The following CFI variants were observed in gnomAD, a reference collection of about 807,000 sequenced individuals.
The protein encoded by CFI is C3B/C4B inactivator.
In CFI, 66 loss-of-function variants were observed where a neutral mutation model predicts 78.8. The observed-to-expected ratio is 0.84, with a 90% CI of 0.69 to 1.03. The LOEUF (loss-of-function observed/expected upper bound fraction) is 1.03, where lower values mean the gene tolerates loss of function less well. CFI is among the 50% of genes least tolerant of loss of function. The pLI, the probability that CFI is intolerant of heterozygous loss-of-function variation, is 0.00. For synonymous variants in CFI, 250 were observed against 232.6 expected (o/e 1.07, Z -0.68); for missense variants, 706 against 704.5 (o/e 1.00, Z -0.02).
At chr4:109,749,663 C>T in intron 8 of CFI, 61 bp from the exon 9 acceptor site, 2 of 1,027,736 alleles carry the variant, frequency 1.9e-6, no homozygotes, top group South Asian at 2.5e-5. Context: ...TTTTAACACA[C>T]TTCTTGATTA....
chr4:109,785,105 T>C (rs1730574297), intron 1 of CFI, among the ~76,000 whole-genome samples: 1 of 151,974 alleles, frequency 6.6e-6, no homozygotes, highest in African/African-American at 2.4e-5. Flanking sequence ...TGCTCCTAAC[T>C]CCACTGTCTG....
chr4:109,787,845 CT>C (rs1353393894), intron 1 of CFI, among the ~76,000 whole-genome samples: 1 of 151,824 alleles, frequency 6.6e-6, no homozygotes, highest in Non-Finnish European at 1.5e-5. Flanking sequence ...TGTAAGATGG[CT>C]AAAATTTTGT....
intron 11 of CFI, among the ~76,000 whole-genome samples, chr4:109,742,931 A>C (rs774610847): frequency 1.7e-4 from 26 of 152,220 alleles, no homozygotes; most frequent in Admixed American, 3.3e-4. Context: ...TTTCACATAA[A>C]TACCTCCTAT....
the CFI span, among the ~76,000 whole-genome samples, chr4:109,733,192 C>T: frequency 6.6e-6 from 1 of 152,126 alleles, no homozygotes; most frequent in African/African-American, 2.4e-5. Flanking sequence ...AGGCTGGTCT[C>T]GAACTCCTGA....
intron 1 of CFI, among the ~76,000 whole-genome samples, chr4:109,772,803 TA>T (rs1402327444): frequency 6.6e-6 from 1 of 152,112 alleles, no homozygotes; most frequent in Non-Finnish European, 1.5e-5. Flanking sequence ...AGGCTGGTCT[TA>T]AACTCTTGGC....
At chr4:109,769,685 G>A (rs1385452176) in intron 1 of CFI, among the ~76,000 whole-genome samples, 1 of 152,178 alleles carries the variant, frequency 6.6e-6, no homozygotes, top group Non-Finnish European at 1.5e-5. Context: ...CATGGTCCAT[G>A]TCTTCTCAGC....
In CFI at chr4:109,766,768, A is replaced by G. The variant is rs752771173; in HGVS notation, c.114T>C (p.Tyr38=). ...LVEKKCLAKK[Y]THLSCDKVFC... is the part of the protein sequence containing the mutation. ...AGACTTTATCGCAGGAGAGGTGAGTATATTTTTTTGCTAAGCACTTTTTCT... is the reference window on the plus strand; with the variant it reads ...AGACTTTATCGCAGGAGAGGTGAGTGTATTTTTTTGCTAAGCACTTTTTCT... Residue 38 remains tyrosine (Y), a synonymous_variant, in exon 2 of 13, where the codon TAT becomes TAC. Coordinates refer to ENST00000394634, the MANE Select transcript of CFI (RefSeq NM_000204.5). The G allele has an allele frequency of 9.3e-6, 15 of 1,614,234 alleles. No homozygotes were observed. The South Asian group carries it at 1.4e-4, about 15-fold the overall frequency.
intron 1 of CFI, among the ~76,000 whole-genome samples, chr4:109,771,938 T>A (rs1478037259): frequency 6.6e-6 from 1 of 152,016 alleles, no homozygotes; most frequent in East Asian, 1.9e-4. Context: ...GGGGAAATTG[T>A]TGAAACAAGG....
intron 1 of CFI, among the ~76,000 whole-genome samples, chr4:109,768,972 C>G (rs11734208): frequency 0.61 from 92,542 of 152,038 alleles, 30,171 homozygotes; most frequent in Non-Finnish European, 0.74. Context: ...TGAAATATGC[C>G]AGTTACGCAC....
chr4:109,765,793 G>A (rs1305754545), intron 2 of CFI, among the ~76,000 whole-genome samples: 2 of 151,772 alleles, frequency 1.3e-5, no homozygotes, highest in Non-Finnish European at 2.9e-5. Context: ...AGGGCTGGGG[G>A]AGAGGGTTGG....
chr4:109,746,351 C>T lies in CFI; in HGVS notation c.1300G>A (p.Glu434Lys). 5.6e-6 allele frequency: 9 copies of T among 1,614,082 alleles called. No individual in the cohort carries two copies. The highest frequency in any genetic ancestry group is 7.6e-6 in the Non-Finnish European group (9 of 1,180,012). ...GTYQNDIALI[E>K]MKKDGNKKDC... ...TTTTTGTTTCCGTCTTTTTTCATTT[C>T]AATCAAAGCGATGTCATTTTGGTAA... Residue 434 changes from glutamate to lysine, a missense_variant, in exon 11 of 13, where the codon GAA (glutamate) becomes AAA (lysine). Physicochemically the swap from Glu to Lys is moderately conservative, Grantham distance 56. Coordinates refer to ENST00000394634, the MANE Select transcript of CFI (RefSeq NM_000204.5).
Position 109,796,444 on chromosome 4 carries a change from C to A in CFI, c.57+5471G>T, listed in dbSNP as rs185664294. 2.0e-5 allele frequency among the ~76,000 whole-genome samples: 3 copies of A among 152,228 alleles called. No homozygotes were observed. The East Asian group carries it at 5.8e-4, about 29-fold the overall frequency. ...ACACTAAAGCTGCAGGATACAAAAACAACATACAAAAATCAGTGGTGTTTC... is the reference window on the plus strand; with the variant it reads ...ACACTAAAGCTGCAGGATACAAAAAAAACATACAAAAATCAGTGGTGTTTC... On this transcript the variant is annotated intron_variant, in intron 1 of 12. Coordinates refer to ENST00000394634, the MANE Select transcript of CFI (RefSeq NM_000204.5).
At chr4:109,761,162 G>C (rs1332225443) in intron 4 of CFI, among the ~76,000 whole-genome samples, 1 of 152,148 alleles carries the variant, frequency 6.6e-6, no homozygotes, top group East Asian at 1.9e-4. Context: ...TCACTTAAAG[G>C]TTTTAAATAA....
rs778466816 is a variant in CFI at position 109,746,367 on chromosome 4, AT to A, written c.1283del (p.Asn428MetfsTer5). 1.9e-6 allele frequency: 3 copies of A among 1,614,120 alleles called. No individual in the cohort carries two copies. The highest frequency in any genetic ancestry group is 1.7e-6 in the Non-Finnish European group (2 of 1,180,022). On this transcript the variant is annotated frameshift_variant, in exon 11 of 13. Transcript: ENST00000394634. LOFTEE classifies it high-confidence loss of function. ...HENYNAGTYQ[N>X]DIALIEMKKD... ...TTTTCATTTCAATCAAAGCGATGTC[AT>A]TTTGGTAAGTGCCTGCATTGTAGTT...
chr4:109,752,615 C>T (rs1165124272), intron 7 of CFI, 112 bp from the exon 8 acceptor site: 4 of 894,518 alleles, frequency 4.5e-6, no homozygotes, highest in African/African-American at 1.7e-5. Flanking sequence ...ACTTATCCTC[C>T]CTTTTATAAA....
intron 3 of CFI, among the ~76,000 whole-genome samples, chr4:109,763,963 A>C (rs1727399078): frequency 6.7e-6 from 1 of 149,026 alleles, no homozygotes; most frequent in African/African-American, 2.4e-5. Context: ...TAAATAAAAT[A>C]TCACTTATAT....
intron 3 of CFI, among the ~76,000 whole-genome samples, chr4:109,763,048 G>A (rs925302055): frequency 1.3e-5 from 2 of 152,144 alleles, no homozygotes; most frequent in Non-Finnish European, 2.9e-5. Flanking sequence ...AGCAGATGTG[G>A]TTTAAGAAGA....
At chr4:109,765,808 G>A (rs910643544) in intron 2 of CFI, among the ~76,000 whole-genome samples, 17 of 152,064 alleles carry the variant, frequency 1.1e-4, no homozygotes, top group Admixed American at 5.2e-4. Context: ...GGTTGGGGGG[G>A]ACGGCTGTTG....
At chr4:109,765,484 A>G (rs1360597400) in intron 2 of CFI, among the ~76,000 whole-genome samples, 6 of 152,238 alleles carry the variant, frequency 3.9e-5, no homozygotes, top group Non-Finnish European at 8.8e-5. Context: ...CAAGAATTGT[A>G]CAACTTAGAA....
Sources: gnomAD v4.1 joint callset for allele counts (sites outside exome capture counted in the v4.1 genomes callset) on GRCh38, gnomAD v4.1.1 for gene constraint, MANE v1.5 for transcripts, NCBI Gene and HGNC (gene_info 2026-07-23, HGNC 2026-07-21) for gene names.